The following LRRC74B variants were observed in gnomAD, a reference collection of about 807,000 sequenced individuals.
LRRC74B encodes leucine-rich repeat-containing protein 74B.
In LRRC74B, 30 loss-of-function variants were observed where a neutral mutation model predicts 16.6. The observed-to-expected ratio is 1.80, with a 90% confidence interval of 1.35 to 2.45. The LOEUF is 2.45. Ranked by LOEUF, LRRC74B falls within the 30% of genes most tolerant of loss-of-function variation. LRRC74B has a pLI of 0.00. For synonymous variants in LRRC74B, 134 were observed against 86.0 expected (o/e 1.56, Z -3.09); for missense variants, 326 against 202.4 (o/e 1.61, Z -3.71).
chr22:21,046,188 G>C (rs976319863), intron 1 of LRRC74B, 63 bp downstream of exon 1: 4 of 706,034 alleles, frequency 5.7e-6, no homozygotes, highest in Non-Finnish European at 1.0e-5. Flanking sequence ...GCAGGGGTTG[G>C]GGGAGGCGGG....
At chr22:21,049,487 A>G (rs1371617016) in intron 4 of LRRC74B, 1 of 263,280 alleles carries the variant, frequency 3.8e-6, no homozygotes, top group African/African-American at 2.2e-5. Context: ...AGAAACAAAT[A>G]GTTTATGATT....
chr22:21,049,144 G>A, exon 4 of LRRC74B: 1 of 716,152 alleles, frequency 1.4e-6, no homozygotes. Context: ...ACAACCAGCT[G>A]AATGACCAAG....
chr22:21,046,063 CA>C lies in LRRC74B; in HGVS notation c.78del (p.Val28SerfsTer34), dbSNP rs1334886954. 1 of 717,466 alleles carries C rather than the reference CA, an allele frequency of 1.4e-6. No homozygotes were observed. Among genetic ancestry groups the C allele is most frequent in the South Asian group, 1.5e-5 (1 of 67,602 alleles). The allele number at this position is 717,466 out of a possible 1,614,324, so 44.4% of individuals were successfully genotyped here. On this transcript the variant is annotated frameshift_variant, in exon 1 of 9. Coordinates refer to ENST00000442047, the Ensembl canonical transcript of LRRC74B. LOFTEE classifies it high-confidence loss of function. ...GCTATGGTGGCCTGTGGGCGTCTTT[CA>C]GGGGTCCCCGAGGCCGAGCAGGGTC...
chr22:21,046,051 G>A, exon 1 of LRRC74B: 1 of 717,504 alleles, frequency 1.4e-6, no homozygotes, highest in Non-Finnish European at 2.6e-6. Context: ...ATGGTGGCCT[G>A]TGGGCGTCTT....
chr22:21,059,348 G>A (rs1444782224), intron 8 of LRRC74B, among the ~76,000 whole-genome samples: 12 of 152,226 alleles, frequency 7.9e-5, no homozygotes, highest in African/African-American at 1.7e-4. Flanking sequence ...AGCCGAGATC[G>A]TGCCATTGCA....
chr22:21,047,159 G>A (rs980812553), intron 1 of LRRC74B, among the ~76,000 whole-genome samples, 197 bp from the exon 2 acceptor site: 4 of 152,024 alleles, frequency 2.6e-5, no homozygotes, highest in African/African-American at 9.7e-5. Context: ...TTTGATAGCC[G>A]TATGACTTTA....
At chr22:21,056,591 T>G (rs1372777805) in intron 7 of LRRC74B, 1 of 125,594 alleles carries the variant, frequency 8.0e-6, no homozygotes, top group Non-Finnish European at 1.6e-5. Context: ...CACCCCAAGC[T>G]TGGAGCACAC....
intron 6 of LRRC74B, 71 bp from the exon 7 acceptor site, chr22:21,055,027 C>A: frequency 1.4e-6 from 1 of 699,116 alleles, no homozygotes; most frequent in African/African-American, 1.7e-5. Context: ...CAGTGGGCAC[C>A]CTGGGGCAGT....
exon 8 of LRRC74B, chr22:21,057,177 G>A (rs1355417370): frequency 1.4e-6 from 1 of 717,398 alleles, no homozygotes; most frequent in East Asian, 2.7e-5. Context: ...TCCAGCCTCT[G>A]CCCTGGAACT....
intron 7 of LRRC74B, 60 bp downstream of exon 7, chr22:21,055,236 A>G (rs1039134414): frequency 8.7e-6 from 6 of 686,632 alleles, no homozygotes; most frequent in East Asian, 2.7e-5. Flanking sequence ...CAGTCCACAC[A>G]GATCCCTCCC....
At chr22:21,052,344 G>C in exon 5 of LRRC74B, 1 of 717,448 alleles carries the variant, frequency 1.4e-6, no homozygotes, top group Non-Finnish European at 2.6e-6. Context: ...TGTGGCATTT[G>C]CCAGGGGACT....
chr22:21,050,278 G>A (rs1257335273), intron 4 of LRRC74B, among the ~76,000 whole-genome samples: 5 of 151,846 alleles, frequency 3.3e-5, no homozygotes, highest in African/African-American at 7.2e-5. Context: ...CTTGTGATCC[G>A]CCCGCCTTGG....
At chr22:21,058,858 A>G (rs550698844) in intron 8 of LRRC74B, among the ~76,000 whole-genome samples, 4 of 152,364 alleles carry the variant, frequency 2.6e-5, no homozygotes, top group South Asian at 2.1e-4. Flanking sequence ...TGGGAATGCC[A>G]TGGGCTTTGG....
chr22:21,055,176 A>G (rs1930408581), exon 7 of LRRC74B: 1 of 715,602 alleles, frequency 1.4e-6, no homozygotes, highest in South Asian at 1.5e-5. Context: ...GGATTCTTGT[A>G]GTGAGTGCTA....
intron 8 of LRRC74B, among the ~76,000 whole-genome samples, chr22:21,057,727 CCTGT>C (rs1324708450): frequency 7.2e-6 from 1 of 139,666 alleles, no homozygotes; most frequent in Non-Finnish European, 1.5e-5. Flanking sequence ...AAGTGGTTCT[CCTGT>C]CTAAGCTCCC....
intron 1 of LRRC74B, 44 bp downstream of exon 1, chr22:21,046,169 T>A (rs776707037): frequency 1.4e-6 from 1 of 712,292 alleles, no homozygotes; most frequent in Admixed American, 2.0e-5. Context: ...CCTTTGGGGG[T>A]CTTCTCCCGC....
Position 21,047,409 on chromosome 22 carries a change from C to G in LRRC74B, c.193C>G (p.Arg65Gly), listed in dbSNP as rs560973914. The change falls in exon 2 of 9, where the codon CGG becomes GGG. Residue 65 changes from arginine (R) to glycine (G), a missense_variant. Coordinates refer to ENST00000442047, the Ensembl canonical transcript of LRRC74B. ...GGACACACTGTACCTGAGGTCTTGCCGGGCCCATAGTGTTGTGCCCATCTC... is the reference window on the plus strand; with the variant it reads ...GGACACACTGTACCTGAGGTCTTGCGGGGCCCATAGTGTTGTGCCCATCTC... 8.4e-6 allele frequency: 6 copies of G among 717,402 alleles called. No homozygotes were observed. The African/African-American group carries it at 8.7e-5, about 10-fold the overall frequency. 44.4% of individuals were successfully genotyped at this position (717,402 alleles called of 1,614,324 possible).
Position 21,057,056 on chromosome 22 carries a change from T to C in LRRC74B, c.928-49T>C, listed in dbSNP as rs746257695. On this transcript the variant is annotated intron_variant, in intron 7 of 8. Coordinates refer to ENST00000442047, the Ensembl canonical transcript of LRRC74B. ...CCTCCTTCCCTTTCACATTGCTCTCTGGCCTTCCCGGACCTGGCTTCTCGC... is the reference window on the plus strand; with the variant it reads ...CCTCCTTCCCTTTCACATTGCTCTCCGGCCTTCCCGGACCTGGCTTCTCGC... The C allele has an allele frequency of 4.2e-6, 3 of 714,838 alleles. No individual in the cohort carries two copies. The African/African-American group carries it at 5.2e-5, about 13-fold the overall frequency. The allele number at this position is 714,838 out of a possible 1,614,324, so 44.3% of individuals were successfully genotyped here. A position where few individuals can be genotyped will look rare whatever the true frequency, so the allele number is the denominator to read the frequency against.
chr22:21,056,986 G>C (rs566138342), intron 7 of LRRC74B, 119 bp from the exon 8 acceptor site: 5 of 629,968 alleles, frequency 7.9e-6, no homozygotes, highest in African/African-American at 5.5e-5. Flanking sequence ...CTTCTGAGCC[G>C]AAACAGTGTG....
Sources: allele counts gnomAD v4.1 joint callset (sites outside exome capture counted in the v4.1 genomes callset), GRCh38; gene constraint gnomAD v4.1.1; transcripts MANE v1.5; gene names NCBI Gene and HGNC (gene_info 2026-07-23, HGNC 2026-07-21).